Variants in IRAK1BP1 observed in about 807,000 individuals in gnomAD.
IRAK1BP1 encodes the protein interleukin 1 receptor associated kinase 1 binding protein 1.
IRAK1BP1 carries 24 observed loss-of-function variants against 28.0 expected under a neutral mutation model. The observed-to-expected ratio is 0.86, with a 90% CI of 0.62 to 1.20. IRAK1BP1 has a LOEUF of 1.20. Among genes scored for constraint, IRAK1BP1 ranks in the 50% most tolerant of loss-of-function variants. The pLI, the probability that IRAK1BP1 is intolerant of heterozygous loss-of-function variation, is 0.00. For missense variants in IRAK1BP1, 336 were observed against 316.7 expected, an observed-to-expected ratio of 1.06 and a Z score of -0.46; for synonymous variants, 131 against 116.3, an observed-to-expected ratio of 1.13 and a Z score of -0.81.
At chr6:78,894,074 A>T (rs546772308) in intron 2 of IRAK1BP1, among the ~76,000 whole-genome samples, 33 of 152,354 alleles carry the variant, frequency 2.2e-4, no homozygotes, top group African/African-American at 7.9e-4. Context: ...TTGATGGTAG[A>T]TTGTAATAAC....
chr6:78,923,255 A>AT (rs1491434657), intron 4 of IRAK1BP1, among the ~76,000 whole-genome samples: 1 of 151,540 alleles, frequency 6.6e-6, no homozygotes, highest in East Asian at 1.9e-4. Context: ...GAAAAAAAAA[A>AT]GGGCAGGGGT....
At chr6:78,922,955 G>C (rs888476129) in intron 4 of IRAK1BP1, among the ~76,000 whole-genome samples, 3 of 152,184 alleles carry the variant, frequency 2.0e-5, no homozygotes, top group African/African-American at 7.2e-5. Context: ...ATCGGTACCA[G>C]CCACTGCAAA....
chr6:78,871,130 T>G (rs1770778825), intron 1 of IRAK1BP1, among the ~76,000 whole-genome samples: 1 of 152,046 alleles, frequency 6.6e-6, no homozygotes, highest in South Asian at 2.1e-4. Context: ...AATCTGGGCA[T>G]CCAAGATCAA....
intron 1 of IRAK1BP1, chr6:78,871,592 G>GA (rs1345845744): frequency 1.1e-6 from 1 of 928,240 alleles, no homozygotes; most frequent in Non-Finnish European, 1.3e-6. Context: ...ATTTATAGTT[G>GA]AAACCTAATC....
rs1349419835 is a variant in IRAK1BP1 at position 78,898,783 on chromosome 6, T to A, written c.*449T>A. ...TTTAAATTGTAAGACAAAATTTTTA[T>A]GGAAAAGAATTCCTATATCCCATCA... is the stretch of plus-strand genomic sequence containing the variant. On this transcript the variant is annotated 3_prime_UTR_variant, in exon 4 of 4. Transcript: ENST00000369940. The A allele has an allele frequency of 6.6e-6, 1 of 152,142 alleles. No homozygotes were observed. 9.4% of individuals were successfully genotyped at this position (152,142 alleles called of 1,614,324 possible).
At chr6:78,961,952 T>C in the IRAK1BP1 span, 2 of 628,224 alleles carry the variant, frequency 3.2e-6, no homozygotes, top group Admixed American at 3.2e-5. Flanking sequence ...CAATATAGTG[T>C]AGCTGACATA....
intron 1 of IRAK1BP1, among the ~76,000 whole-genome samples, chr6:78,882,688 A>AGAGGAGACT (rs1771272673): frequency 1.3e-5 from 2 of 152,336 alleles, no homozygotes; most frequent in South Asian, 4.1e-4. Flanking sequence ...TCAAGAGACC[A>AGAGGAGACT]GAGGAGACTA....
At chr6:78,938,439 A>C (rs914006985) in intron 4 of IRAK1BP1, 1 of 151,408 alleles carries the variant, frequency 6.6e-6, no homozygotes, top group African/African-American at 2.4e-5. Flanking sequence ...AAAACTGTAC[A>C]TTTTTTTTAC....
intron 4 of IRAK1BP1, among the ~76,000 whole-genome samples, chr6:78,920,307 A>T (rs1158515513): frequency 1.3e-5 from 2 of 152,114 alleles, no homozygotes; most frequent in Non-Finnish European, 2.9e-5. Context: ...ATATGGAACC[A>T]AAAAAGAGCC....
intron 4 of IRAK1BP1, among the ~76,000 whole-genome samples, chr6:78,924,438 C>T (rs1404201450): frequency 6.6e-6 from 1 of 151,978 alleles, no homozygotes; most frequent in African/African-American, 2.4e-5. Context: ...GCCTACCAAA[C>T]AAAAAAAGCC....
chr6:78,867,917 A>C, intron 1 of IRAK1BP1, 26 bp downstream of exon 1: 1 of 1,525,482 alleles, frequency 6.6e-7, no homozygotes, highest in Non-Finnish European at 8.8e-7. Context: ...GGGAGGAAAT[A>C]AGAGCCGGAA....
At chr6:78,962,968 C>T in the IRAK1BP1 span, 2 of 686,180 alleles carry the variant, frequency 2.9e-6, no homozygotes, top group Non-Finnish European at 4.8e-6. Context: ...AAAAGAGATT[C>T]CACTTAAAAT....
At chr6:78,976,323 T>A in the IRAK1BP1 span, among the ~76,000 whole-genome samples, 10 of 145,608 alleles carry the variant, frequency 6.9e-5, no homozygotes, top group African/African-American at 2.3e-4. Flanking sequence ...GCTAGCCATA[T>A]GTAGAAAGCT....
intron 2 of IRAK1BP1, among the ~76,000 whole-genome samples, chr6:78,894,710 A>G (rs1004121376): frequency 2.6e-5 from 4 of 152,184 alleles, no homozygotes; most frequent in African/African-American, 4.8e-5. Context: ...CTGTCAACCA[A>G]TTTGACCTAC....
chr6:78,964,489 G>A, the IRAK1BP1 span, among the ~76,000 whole-genome samples: 2 of 152,004 alleles, frequency 1.3e-5, no homozygotes, highest in Non-Finnish European at 2.9e-5. Context: ...GCTAAGAGAT[G>A]TAATATATTA....
chr6:78,881,962 G>C (rs1316624935), intron 1 of IRAK1BP1, among the ~76,000 whole-genome samples: 2 of 152,052 alleles, frequency 1.3e-5, no homozygotes, highest in Non-Finnish European at 2.9e-5. Flanking sequence ...ATATTGTACA[G>C]GTGGAAAAAT....
chr6:78,883,019 G>A (rs1771285054), intron 1 of IRAK1BP1, among the ~76,000 whole-genome samples: 1 of 152,096 alleles, frequency 6.6e-6, no homozygotes, highest in South Asian at 2.1e-4. Context: ...CACTTTGAGA[G>A]TCTAAGGTGG....
chr6:78,933,174 G>C (rs912939301), intron 4 of IRAK1BP1, among the ~76,000 whole-genome samples: 1 of 152,188 alleles, frequency 6.6e-6, no homozygotes, highest in Non-Finnish European at 1.5e-5. Context: ...GAAAGTCCTA[G>C]ATTGGTCCTT....
the IRAK1BP1 span, chr6:78,963,035 G>A: frequency 1.7e-4 from 240 of 1,449,254 alleles, 2 homozygotes; most frequent in African/African-American, 3.2e-3. Context: ...GAGAATAACA[G>A]TATTTTTCCA....
Sources: gnomAD v4.1 joint callset for allele counts (sites outside exome capture counted in the v4.1 genomes callset) on GRCh38, gnomAD v4.1.1 for gene constraint, MANE v1.5 for transcripts, NCBI Gene and HGNC (gene_info 2026-07-23, HGNC 2026-07-21) for gene names.